Variants in IFIH1 observed in about 807,000 individuals in gnomAD.
IFIH1 encodes interferon induced with helicase C domain 1.
In IFIH1, 125 loss-of-function variants were observed where a neutral mutation model predicts 107.4. That is an observed-to-expected ratio of 1.16 (90% CI 1.01 to 1.35). IFIH1 has a LOEUF of 1.35. Among genes scored for constraint, IFIH1 ranks in the 40% most tolerant of loss-of-function variants. The pLI is 0.00. For missense variants in IFIH1, 1,333 were observed against 1,213.7 expected (o/e 1.10, Z -1.46); for synonymous variants, 458 against 413.2 (o/e 1.11, Z -1.31).
chr2:162,314,397 TC>T lies in IFIH1; in HGVS notation c.453+3457del, dbSNP rs1558877358. On this transcript the variant is annotated intron_variant, in intron 1 of 15. Coordinates refer to ENST00000649979, the MANE Select transcript of IFIH1 (RefSeq NM_022168.4). ...CTCCCTCCCTCCCTCCCTCCCTCCC[TC>T]CTTTCTTTCTTTCTTTCTTTTCTTT... Among the ~76,000 whole-genome samples, 32 of 58,588 alleles carry T rather than the reference TC, an allele frequency of 5.5e-4. 1 individual carries two copies. Among genetic ancestry groups the T allele is most frequent in the East Asian group, 4.2e-3 (4 of 946 alleles). 38.4% of individuals were successfully genotyped at this position (58,588 alleles called of 152,430 possible).
At chr2:162,288,904 C>A (rs1021760842) in intron 4 of IFIH1, among the ~76,000 whole-genome samples, 7 of 147,084 alleles carry the variant, frequency 4.8e-5, no homozygotes, top group African/African-American at 1.8e-4. Flanking sequence ...ATCTGACAAC[C>A]AAATACCAAA....
At chr2:162,278,999 T>G (rs1302803655) in intron 8 of IFIH1, among the ~76,000 whole-genome samples, 1 of 152,048 alleles carries the variant, frequency 6.6e-6, no homozygotes, top group Non-Finnish European at 1.5e-5. Flanking sequence ...GAATTTGTAC[T>G]TTTCTGTATG....
At chr2:162,276,980 AG>A (rs1407642991) in intron 10 of IFIH1, 34 bp from the exon 11 acceptor site, 12 of 1,499,362 alleles carry the variant, frequency 8.0e-6, no homozygotes, top group Non-Finnish European at 1.0e-5. Flanking sequence ...TATGTTAACA[AG>A]CTTGATTTAG....
At chr2:162,280,340 T>C (rs1169857909) in intron 7 of IFIH1, among the ~76,000 whole-genome samples, 2 of 152,008 alleles carry the variant, frequency 1.3e-5, no homozygotes, top group African/African-American at 4.8e-5. Flanking sequence ...TGTCCTAATA[T>C]AGGAAAAAGG....
chr2:162,272,266 T>C lies in IFIH1; in HGVS notation c.2576A>G (p.His859Arg), dbSNP rs779528906. The C allele has an allele frequency of 7.4e-6, 12 of 1,612,670 alleles. No homozygotes were observed. The East Asian group carries it at 1.1e-4, about 15-fold the overall frequency. Residue 859 changes from histidine to arginine, a missense_variant, in exon 13 of 16, where the codon CAT becomes CGT. Transcript: ENST00000649979. ...FREKMMYKAIHCVQNMKPEEY... is the reference protein window; with the variant it reads ...FREKMMYKAIRCVQNMKPEEY... ...CTCTGGTTTCATATTTTGAACACAA[T>C]GTATAGCTTTATACATCATCTTCTC... is the stretch of plus-strand genomic sequence containing the variant.
At chr2:162,301,326 T>G (rs144437726) in intron 3 of IFIH1, among the ~76,000 whole-genome samples, 251 of 152,296 alleles carry the variant, frequency 1.6e-3, no homozygotes, top group Non-Finnish European at 2.9e-3. Context: ...ATTATAATCT[T>G]TCACGCTGAA....
Position 162,288,321 on chromosome 2 carries a change from C to T in IFIH1, c.909G>A (p.Glu303=). The T allele has an allele frequency of 6.2e-7, 1 of 1,612,652 alleles. No individual in the cohort carries two copies. Among genetic ancestry groups the T allele is most frequent in the Non-Finnish European group, 8.5e-7 (1 of 1,179,146 alleles). The part of the protein sequence containing the change: ...EENVAARASP[E]PELQLRPYQM... ...GGTAAGGCCTGAGCTGGAGTTCTGG[C>T]TCCGGGGATGCTCTTGCTGCCACAT... is the stretch of plus-strand genomic sequence containing the variant. Residue 303 remains glutamate (E), a synonymous_variant, in exon 5 of 16, where the codon GAG becomes GAA. Transcript: ENST00000649979.
rs76693096 is a variant in IFIH1, at chr2:162,299,303, G to A, written c.770-5635C>T. ...CTTGGCAATAACAAGGTTTGGAGAC[G>A]GCAAGGTAGAATGTGAATTAGAAAC... On this transcript the variant is annotated intron_variant, in intron 3 of 15. Transcript: ENST00000649979. Among the ~76,000 whole-genome samples, 865 of 152,184 alleles carry A rather than the reference G, an allele frequency of 5.7e-3. 3 individuals carry two copies. Among genetic ancestry groups the A allele is most frequent in the Non-Finnish European group, 9.8e-3 (667 of 68,016 alleles).
chr2:162,267,340 G>T lies in IFIH1; in HGVS notation c.2938C>A (p.Pro980Thr). The part of the protein sequence containing the change: ...TMMVHKGLDL[P>T]CLKIRNFVVV... ...ACAAAATTCCTTATTTTGAGACAAG[G>T]CAAATCTAAGCCTTTGTGCACCATC... The change falls in exon 16 of 16, where the codon CCT becomes ACT. Residue 980 changes from proline to threonine, a missense_variant. Physicochemically the swap from Pro to Thr is conservative, Grantham distance 38. Coordinates refer to ENST00000649979, the MANE Select transcript of IFIH1 (RefSeq NM_022168.4). 1.2e-6 allele frequency: 2 copies of T among 1,613,036 alleles called. No homozygotes were observed. The highest frequency in any genetic ancestry group is 1.7e-6 in the Non-Finnish European group (2 of 1,179,754).
rs553228814 is a variant in IFIH1 at position 162,318,245 on chromosome 2, C to A, written c.63G>T (p.Arg21Ser). 4.3e-6 allele frequency: 7 copies of A among 1,614,148 alleles called. No individual in the cohort carries two copies. The African/African-American group carries it at 8.0e-5, about 18-fold the overall frequency. ...GCTCCACCTGGATGTACATTTTCAC[C>A]CTGGCCCTGAAGCACGAGATGAGAT... is the stretch of plus-strand genomic sequence containing the variant. ...FRYLISCFRA[R>S]VKMYIQVEPV... Residue 21 changes from arginine (R) to serine (S), a missense_variant, in exon 1 of 16, where the codon AGG (arginine) becomes AGT (serine). By Grantham distance (110) the Arg-to-Ser change is moderately radical. Coordinates refer to ENST00000649979, the MANE Select transcript of IFIH1 (RefSeq NM_022168.4).
chr2:162,276,466 G>C (rs980228952), intron 11 of IFIH1, among the ~76,000 whole-genome samples: 10 of 152,102 alleles, frequency 6.6e-5, no homozygotes, highest in Admixed American at 6.6e-4. Context: ...TTAGTTGGGT[G>C]TGGTGGTGCA....
rs999278334 is a variant in IFIH1 at position 162,310,924 on chromosome 2, C to T, written c.463G>A (p.Ala155Thr). The change falls in exon 2 of 16, where the codon GCA (alanine) becomes ACA (threonine). Residue 155 changes from alanine (A) to threonine (T), a missense_variant. Coordinates refer to ENST00000649979, the MANE Select transcript of IFIH1 (RefSeq NM_022168.4). ...TIEDRNRIAA[A>T]ENNGNESGVR... ...CCTGATTCATTTCCATTGTTTTCTG[C>T]AGCAGCAATCTGTTGTAAGAGAAAA... 1.9e-5 allele frequency: 30 copies of T among 1,612,142 alleles called. No individual in the cohort carries two copies. The highest frequency in any genetic ancestry group is 2.5e-6 in the Non-Finnish European group (3 of 1,178,938).
chr2:162,278,873 G>A (rs1213934496), intron 8 of IFIH1, among the ~76,000 whole-genome samples: 1 of 152,098 alleles, frequency 6.6e-6, no homozygotes, highest in Non-Finnish European at 1.5e-5. Flanking sequence ...GGGGCATGGT[G>A]ACTGGAAGGG....
At chr2:162,298,840 T>G (rs1164007664) in intron 3 of IFIH1, among the ~76,000 whole-genome samples, 1 of 151,780 alleles carries the variant, frequency 6.6e-6, no homozygotes, top group Non-Finnish European at 1.5e-5. Flanking sequence ...GATTTTCCTC[T>G]CCGTGCCAGG....
chr2:162,315,338 C>G (rs12692648), intron 1 of IFIH1, among the ~76,000 whole-genome samples: 3 of 152,214 alleles, frequency 2.0e-5, no homozygotes, highest in Non-Finnish European at 2.9e-5. Context: ...CACCAACCCT[C>G]TACCTAATCC....
In IFIH1 at chr2:162,288,324, C is replaced by T. The variant is rs775441863; in HGVS notation, c.906G>A (p.Pro302=). ...AAGGCCTGAGCTGGAGTTCTGGCTC[C>T]GGGGATGCTCTTGCTGCCACATTCT... ...DEENVAARAS[P]EPELQLRPYQ... is the part of the protein sequence containing the mutation. Residue 302 remains proline (P), a synonymous_variant, in exon 5 of 16, where the codon CCG becomes CCA. Coordinates refer to ENST00000649979, the MANE Select transcript of IFIH1 (RefSeq NM_022168.4). 181 of 1,612,470 alleles carry T rather than the reference C, an allele frequency of 1.1e-4. No individual in the cohort carries two copies. Among genetic ancestry groups the T allele is most frequent in the Admixed American group, 1.7e-4 (10 of 59,826 alleles).
chr2:162,315,501 A>G (rs2105235083), intron 1 of IFIH1, among the ~76,000 whole-genome samples: 1 of 152,356 alleles, frequency 6.6e-6, no homozygotes, highest in East Asian at 1.9e-4. Context: ...AATGGTTACA[A>G]AAGTCAACAC....
chr2:162,310,906 C>A lies in IFIH1; in HGVS notation c.481G>T (p.Glu161Ter). 1 of 1,613,374 alleles carries A rather than the reference C, an allele frequency of 6.2e-7. No individual in the cohort carries two copies. The highest frequency in any genetic ancestry group is 8.5e-7 in the Non-Finnish European group (1 of 1,179,578). ...TTTAGTAGCTCTCTTACACCTGATT[C>A]ATTTCCATTGTTTTCTGCAGCAGCA... ...RIAAAENNGN[E>*]SGVRELLKRI... Residue 161 changes from glutamate to a stop codon, truncating the protein, a stop_gained, in exon 2 of 16, where the codon GAA becomes TAA. Coordinates refer to ENST00000649979, the MANE Select transcript of IFIH1 (RefSeq NM_022168.4). LOFTEE classifies it high-confidence loss of function.
chr2:162,273,937 T>C lies in IFIH1; in HGVS notation c.2312A>G (p.Gln771Arg). 1 of 1,593,018 alleles carries C rather than the reference T, an allele frequency of 6.3e-7. No individual in the cohort carries two copies. Among genetic ancestry groups the C allele is most frequent in the South Asian group, 1.1e-5 (1 of 89,536 alleles). The change falls in exon 12 of 16, where the codon CAA becomes CGA. Residue 771 changes from glutamine (Q) to arginine (R), a missense_variant. Gln to Arg is a conservative substitution (Grantham distance 43). Transcript: ENST00000649979. The stretch of plus-strand genomic sequence containing the variant: ...GCGAAATTTACTAATGACTTCTTTT[T>C]GTTCATTCTGTAGAAACATTTTAAT... ...SEFKPMTQNE[Q>R]KEVISKFRTG...
Sources: allele counts gnomAD v4.1 joint callset (sites outside exome capture counted in the v4.1 genomes callset), GRCh38; gene constraint gnomAD v4.1.1; transcripts MANE v1.5; gene names NCBI Gene and HGNC (gene_info 2026-07-23, HGNC 2026-07-21).